ST8SIA1: variants seen among roughly 807,000 people sequenced by gnomAD.
The protein encoded by ST8SIA1 is ST8 alpha-N-acetyl-neuraminide alpha-2,8-sialyltransferase 1, also known as alpha-N-acetylneuraminide alpha-2,8-sialyltransferase.
ST8SIA1 carries 16 observed loss-of-function variants against 35.9 expected under a neutral mutation model. The observed-to-expected ratio is 0.45, with a 90% CI of 0.30 to 0.68. The LOEUF (loss-of-function observed/expected upper bound fraction) is 0.68. Among genes scored for constraint, ST8SIA1 ranks in the 30% least tolerant of loss-of-function variants. The pLI, the probability that ST8SIA1 is intolerant of heterozygous loss-of-function variation, is 0.09. For synonymous variants in ST8SIA1, 170 were observed against 169.6 expected, an observed-to-expected ratio of 1.00 and a Z score of -0.02; for missense variants, 383 against 453.6, an observed-to-expected ratio of 0.84 and a Z score of 1.41.
At chr12:22,230,124 A>T (rs900817716) in intron 4 of ST8SIA1, among the ~76,000 whole-genome samples, 14 of 152,246 alleles carry the variant, frequency 9.2e-5, no homozygotes, top group African/African-American at 3.1e-4. Flanking sequence ...AAGCTCTTAC[A>T]AAATAATGCT....
At chr12:22,308,887 C>G (rs1866416025) in intron 1 of ST8SIA1, among the ~76,000 whole-genome samples, 2 of 152,152 alleles carry the variant, frequency 1.3e-5, no homozygotes, top group South Asian at 4.1e-4. Flanking sequence ...TAAAACAGCA[C>G]TTTTTCCTCC....
intron 1 of ST8SIA1, among the ~76,000 whole-genome samples, chr12:22,313,767 G>A (rs565772895): frequency 6.6e-6 from 1 of 152,184 alleles, no homozygotes; most frequent in Admixed American, 6.5e-5. Context: ...ATGGAGCCAT[G>A]AGCATGTGTT....
intron 1 of ST8SIA1, among the ~76,000 whole-genome samples, chr12:22,328,123 G>A (rs1049301517): frequency 6.6e-6 from 1 of 152,196 alleles, no homozygotes; most frequent in Non-Finnish European, 1.5e-5. Context: ...GCAGTATGCA[G>A]CCTAAAATGT....
chr12:22,260,269 C>T (rs1355934360), intron 2 of ST8SIA1, among the ~76,000 whole-genome samples: 2 of 151,914 alleles, frequency 1.3e-5, no homozygotes, highest in African/African-American at 4.8e-5. Context: ...CCAAGCAATC[C>T]TCCTGCCTCA....
chr12:22,330,063 T>C (rs1866739752), intron 1 of ST8SIA1, among the ~76,000 whole-genome samples: 1 of 152,206 alleles, frequency 6.6e-6, no homozygotes, highest in Admixed American at 6.5e-5. Context: ...TAACTTTCCA[T>C]ACAGTAAACA....
chr12:22,214,944 C>A (rs756588063), intron 4 of ST8SIA1, among the ~76,000 whole-genome samples: 2 of 152,150 alleles, frequency 1.3e-5, no homozygotes, highest in Non-Finnish European at 1.5e-5. Context: ...GCTTCCAACT[C>A]AGATCAGCCT....
intron 4 of ST8SIA1, among the ~76,000 whole-genome samples, chr12:22,233,999 A>C (rs1865447794): frequency 6.6e-6 from 1 of 152,010 alleles, no homozygotes; most frequent in Non-Finnish European, 1.5e-5. Context: ...GTGGCTCACG[A>C]CTTTAATCCC....
chr12:22,255,502 A>T, intron 2 of ST8SIA1, 113 bp from the exon 3 acceptor site: 1 of 871,692 alleles, frequency 1.1e-6, no homozygotes, highest in Admixed American at 2.0e-5. Context: ...GAGTCCAGCA[A>T]AAAAGAGCAT....
intron 2 of ST8SIA1, among the ~76,000 whole-genome samples, chr12:22,279,993 G>C (rs1009969758): frequency 1.3e-5 from 2 of 152,200 alleles, no homozygotes; most frequent in African/African-American, 2.4e-5. Flanking sequence ...ATAGTGAATT[G>C]ATCTGAACAT....
chr12:22,256,897 C>A (rs1199620179), intron 2 of ST8SIA1, among the ~76,000 whole-genome samples: 1 of 152,126 alleles, frequency 6.6e-6, no homozygotes, highest in East Asian at 1.9e-4. Flanking sequence ...GGCTTGGAAT[C>A]AACACTAGAA....
intron 1 of ST8SIA1, among the ~76,000 whole-genome samples, chr12:22,329,754 C>T (rs1286185198): frequency 2.0e-5 from 3 of 152,228 alleles, no homozygotes; most frequent in South Asian, 2.1e-4. Context: ...TGAAAACAGT[C>T]GTTTGTTCAA....
Position 22,334,131 on chromosome 12 carries a change from G to A in ST8SIA1, c.102C>T (p.Ala34=), listed in dbSNP as rs753736497. 2 of 1,613,986 alleles carry A rather than the reference G, an allele frequency of 1.2e-6. No individual in the cohort carries two copies. Among genetic ancestry groups the A allele is most frequent in the African/African-American group, 1.3e-5 (1 of 74,934 alleles). ...GCCAACAGAGGACCACGACACAGAG[G>A]GCACTGGCTCCCATGGGCAGCCGGG... is the stretch of plus-strand genomic sequence containing the variant. ...PRTRLPMGAS[A]LCVVVLCWLY... Residue 34 remains alanine (A), a synonymous_variant, in exon 1 of 5, where the codon GCC becomes GCT. Transcript: ENST00000396037.
chr12:22,268,655 CTCGTGAGAACTCACTCACTA>C (rs111693250), intron 2 of ST8SIA1: 23,542 of 151,954 alleles, frequency 0.15, 1,896 homozygotes, highest in Middle Eastern at 0.24. Context: ...CCCATCAGAT[CTCGTGAGAACTCACTCACTA>C]TCGTGAGAAC....
intron 1 of ST8SIA1, among the ~76,000 whole-genome samples, chr12:22,322,287 G>A (rs186397899): frequency 6.6e-6 from 1 of 152,178 alleles, no homozygotes; most frequent in Non-Finnish European, 1.5e-5. Context: ...TGTGTGCTGC[G>A]TGCTTGTTTG....
intron 1 of ST8SIA1, among the ~76,000 whole-genome samples, chr12:22,312,120 CA>C (rs1218900673): frequency 6.6e-6 from 1 of 152,102 alleles, no homozygotes. Context: ...AGAGGGTTAA[CA>C]TTAATAAAAC....
chr12:22,241,158 C>A (rs1346106566), intron 4 of ST8SIA1, among the ~76,000 whole-genome samples: 1 of 151,902 alleles, frequency 6.6e-6, no homozygotes, highest in African/African-American at 2.4e-5. Context: ...CATGCCCAGC[C>A]AAGTTTTTAT....
rs3063791 is a variant in ST8SIA1 at position 22,198,522 on chromosome 12, TACACACACACACACACACACACACAC to T, written c.*3004_*3029del. ...AGGATAGAGATGCCTAACTTCATGCTACACACACACACACACACACACACACACACACACACACACACACACTCCTA... is the reference window on the plus strand; with the variant it reads ...AGGATAGAGATGCCTAACTTCATGCTACACACACACACACACACACTCCTA... On this transcript the variant is annotated 3_prime_UTR_variant, in exon 5 of 5. Transcript: ENST00000396037. The T allele has an allele frequency of 7.5e-6, 1 of 132,982 alleles. No homozygotes were observed. Among genetic ancestry groups the T allele is most frequent in the African/African-American group, 2.8e-5 (1 of 35,144 alleles). The allele number at this position is 132,982 out of a possible 1,614,324, so 8.2% of individuals were successfully genotyped here.
At position 22,196,632 on chromosome 12, in the gene ST8SIA1, T is replaced by C. The variant is rs1249763423; in HGVS notation, c.*4920A>G. On this transcript the variant is annotated 3_prime_UTR_variant, in exon 5 of 5. Coordinates refer to ENST00000396037, the MANE Select transcript of ST8SIA1 (RefSeq NM_003034.4). ...TAGTCTCTAGGACTTTTAAAGAAGC[T>C]ATGTAGGAACTGGTAGAATATTTGA... 1 of 152,148 alleles carries C rather than the reference T, an allele frequency of 6.6e-6. No individual in the cohort carries two copies. Among genetic ancestry groups the C allele is most frequent in the Non-Finnish European group, 1.5e-5 (1 of 68,034 alleles). The allele number at this position is 152,148 out of a possible 1,614,324, so 9.4% of individuals were successfully genotyped here. A position where few individuals can be genotyped will look rare whatever the true frequency, so the allele number is the denominator to read the frequency against.
At chr12:22,328,823 C>T (rs1413162323) in intron 1 of ST8SIA1, among the ~76,000 whole-genome samples, 1 of 152,176 alleles carries the variant, frequency 6.6e-6, no homozygotes, top group Non-Finnish European at 1.5e-5. Flanking sequence ...CTAATTCTTA[C>T]AACAGTCCTA....
Sources: allele counts gnomAD v4.1 joint callset (sites outside exome capture counted in the v4.1 genomes callset), GRCh38; gene constraint gnomAD v4.1.1; transcripts MANE v1.5; gene names NCBI Gene and HGNC (gene_info 2026-07-23, HGNC 2026-07-21).